The following NF1 variants were observed in gnomAD, a reference collection of about 807,000 sequenced individuals.
NF1 encodes the protein neurofibromin.
In NF1, 122 loss-of-function variants were observed where a neutral mutation model predicts 325.7. The observed-to-expected ratio is 0.37, with a 90% confidence interval of 0.32 to 0.44. The LOEUF is 0.44. NF1 is among the 20% of genes least tolerant of loss of function. The pLI is 1.00. For synonymous variants in NF1, 1,091 were observed against 1,186.0 expected (o/e 0.92, Z 1.65); for missense variants, 2,140 against 3,415.4 (o/e 0.63, Z 9.31).
intron 8 of NF1, among the ~76,000 whole-genome samples, chr17:31,190,152 A>G (rs2066317276): frequency 6.8e-6 from 1 of 146,602 alleles, no homozygotes; most frequent in South Asian, 2.3e-4. Context: ...GCTACTCTGG[A>G]GGCTGAGCCG....
chr17:31,276,845 C>T (rs953615366), intron 36 of NF1, among the ~76,000 whole-genome samples: 8 of 152,102 alleles, frequency 5.3e-5, no homozygotes, highest in African/African-American at 1.4e-4. Context: ...GATGTACAAT[C>T]GACCCTTGAA....
chr17:31,337,516 T>C lies in NF1; in HGVS notation c.6576T>C (p.Tyr2192=), dbSNP rs758917402. ...ACAGGTCATTCTCTCCTGGCTCCTA[T>C]GAGAGAGAGACTTTTGCTTTGACAT... ...YRDRSFSPGS[Y]ERETFALTSL... The change falls in exon 43 of 58, where the codon TAT becomes TAC. Residue 2192 remains tyrosine (Y), a synonymous_variant. Coordinates refer to ENST00000358273, the MANE Select transcript of NF1 (RefSeq NM_001042492.3). 1 of 1,614,084 alleles carries C rather than the reference T, an allele frequency of 6.2e-7. No homozygotes were observed. The highest frequency in any genetic ancestry group is 1.7e-5 in the Admixed American group (1 of 60,016).
At chr17:31,236,113 TCCCC>T in intron 29 of NF1, 92 bp downstream of exon 29, 1 of 854,344 alleles carries the variant, frequency 1.2e-6, no homozygotes. Flanking sequence ...AGGCACCTTC[TCCCC>T]TTGATCATTA....
At chr17:31,237,758 C>T (rs1322024587) in intron 29 of NF1, among the ~76,000 whole-genome samples, 4 of 148,836 alleles carry the variant, frequency 2.7e-5, no homozygotes, top group Non-Finnish European at 1.5e-5. Flanking sequence ...TATTATTAAG[C>T]AATTTTACTT....
intron 5 of NF1, among the ~76,000 whole-genome samples, chr17:31,181,214 T>C (rs978674851): frequency 2.6e-5 from 4 of 152,236 alleles, no homozygotes; most frequent in African/African-American, 7.2e-5. Context: ...CAATCATTGA[T>C]GTCCAAGGCA....
intron 5 of NF1, among the ~76,000 whole-genome samples, chr17:31,177,055 G>A (rs551226002): frequency 6.6e-6 from 1 of 152,328 alleles, no homozygotes; most frequent in African/African-American, 2.4e-5. Flanking sequence ...GTCAGTGGTA[G>A]TTTGATGGGG....
chr17:31,289,687 A>G (rs991598639), intron 36 of NF1, among the ~76,000 whole-genome samples: 3 of 152,112 alleles, frequency 2.0e-5, no homozygotes, highest in Admixed American at 6.5e-5. Context: ...TCAGTGGGTC[A>G]TTGTTTACTT....
At chr17:31,121,068 A>T (rs1914386668) in intron 1 of NF1, among the ~76,000 whole-genome samples, 2 of 152,352 alleles carry the variant, frequency 1.3e-5, no homozygotes, top group Admixed American at 6.5e-5. Flanking sequence ...TATGCATACC[A>T]TATTTGAAAG....
At chr17:31,172,065 A>T (rs1260334166) in intron 5 of NF1, among the ~76,000 whole-genome samples, 1 of 152,174 alleles carries the variant, frequency 6.6e-6, no homozygotes, top group Admixed American at 6.5e-5. Context: ...TAATAAAAAT[A>T]TGGCCAGGCC....
chr17:31,171,116 A>G (rs2065921030), intron 5 of NF1, among the ~76,000 whole-genome samples: 1 of 152,216 alleles, frequency 6.6e-6, no homozygotes, highest in African/African-American at 2.4e-5. Context: ...ATATAAAGGA[A>G]TAATATAAAG....
Position 31,353,478 on chromosome 17 carries a change from A to G in NF1, c.7615+1064A>G, listed in dbSNP as rs908693539. Among the ~76,000 whole-genome samples, 7 of 152,110 alleles carry G rather than the reference A, an allele frequency of 4.6e-5. 1 individual carries two copies. Among genetic ancestry groups the G allele is most frequent in the African/African-American group, 1.7e-4 (7 of 41,404 alleles). ...AAAACCCATCTCTACAAAAAATACA[A>G]AACTTAGCTGGGCATGGTGACGAGC... On this transcript the variant is annotated intron_variant, in intron 51 of 57. Transcript: ENST00000358273.
chr17:31,374,268 A>G lies in NF1; in HGVS notation c.*113A>G. On this transcript the variant is annotated 3_prime_UTR_variant, in exon 58 of 58. Transcript: ENST00000358273. The stretch of plus-strand genomic sequence containing the variant: ...TGTAATGCTGCACTTCCTGTTTTAT[A>G]ATGAACCCATCCGGTTTGCCATGTT... 1 of 1,402,348 alleles carries G rather than the reference A, an allele frequency of 7.1e-7. No homozygotes were observed. The highest frequency in any genetic ancestry group is 1.0e-6 in the Non-Finnish European group (1 of 996,100). The allele number at this position is 1,402,348 out of a possible 1,614,324, so 86.9% of individuals were successfully genotyped here.
chr17:31,188,348 C>T (rs2066279160), intron 8 of NF1, among the ~76,000 whole-genome samples: 1 of 152,152 alleles, frequency 6.6e-6, no homozygotes, highest in African/African-American at 2.4e-5. Flanking sequence ...AAAATATCTT[C>T]ATTTTATTTC....
chr17:31,343,997 A>G (rs1246771142), intron 48 of NF1, among the ~76,000 whole-genome samples: 1 of 151,946 alleles, frequency 6.6e-6, no homozygotes, highest in Non-Finnish European at 1.5e-5. Context: ...ACAAAAACCT[A>G]CATACTGAGT....
intron 53 of NF1, 62 bp from the exon 54 acceptor site, chr17:31,357,207 A>G: frequency 6.3e-7 from 1 of 1,594,776 alleles, no homozygotes; most frequent in Non-Finnish European, 8.6e-7. Flanking sequence ...TCTCACCCAA[A>G]CAGATAACAA....
At position 31,210,462 on chromosome 17, in the gene NF1, GTAGTTATAGC is replaced by G. The variant is rs577808104; in HGVS notation, c.1393-3986_1393-3977del. ...TAGGCAGGCGTGGTGGCAGGCACTTGTAGTTATAGCTACTCAGGAGGCTGAGGCAGGAGAA... is the reference window on the plus strand; with the variant it reads ...TAGGCAGGCGTGGTGGCAGGCACTTGTACTCAGGAGGCTGAGGCAGGAGAA... On this transcript the variant is annotated intron_variant, in intron 12 of 57. Coordinates refer to ENST00000358273, the MANE Select transcript of NF1 (RefSeq NM_001042492.3). 1.2e-4 allele frequency among the ~76,000 whole-genome samples: 19 copies of G among 152,236 alleles called. No homozygotes were observed. The South Asian group carries it at 3.9e-3, about 32-fold the overall frequency.
intron 36 of NF1, among the ~76,000 whole-genome samples, chr17:31,266,755 A>G (rs2151471772): frequency 6.6e-6 from 1 of 151,122 alleles, no homozygotes; most frequent in East Asian, 1.9e-4. Flanking sequence ...TTTCGGAATC[A>G]GAAACTGTTA....
At chr17:31,289,002 T>TCA (rs553507600) in intron 36 of NF1, among the ~76,000 whole-genome samples, 43 of 152,284 alleles carry the variant, frequency 2.8e-4, no homozygotes, top group South Asian at 1.5e-3. Context: ...CCTAAGTAGG[T>TCA]CATTGTTAGC....
intron 29 of NF1, 86 bp downstream of exon 29, chr17:31,236,107 A>T: frequency 1.1e-5 from 10 of 925,150 alleles, no homozygotes; most frequent in Admixed American, 1.9e-5. Flanking sequence ...GAAGCAAGGC[A>T]CCTTCTCCCC....
Sources: allele counts gnomAD v4.1 joint callset (sites outside exome capture counted in the v4.1 genomes callset), GRCh38; gene constraint gnomAD v4.1.1; transcripts MANE v1.5; gene names NCBI Gene and HGNC (gene_info 2026-07-23, HGNC 2026-07-21).